The following PSD3 variants were observed in gnomAD, a reference collection of about 807,000 sequenced individuals.
The protein encoded by PSD3 is PH and SEC7 domain-containing protein 3.
PSD3 carries 49 observed loss-of-function variants against 105.5 expected under a neutral mutation model. The observed-to-expected ratio is 0.46, with a 90% CI of 0.37 to 0.59. The LOEUF is 0.59. PSD3 is among the 20% of genes least tolerant of loss of function. The pLI is 0.00. For missense variants in PSD3, 1,561 were observed against 1,263.8 expected (o/e 1.24, Z -3.57); for synonymous variants, 557 against 457.8 (o/e 1.22, Z -2.77).
intron 4 of PSD3, among the ~76,000 whole-genome samples, chr8:18,845,469 C>CGGCATTCGG (rs898574107): frequency 6.6e-6 from 1 of 152,176 alleles, no homozygotes; most frequent in Non-Finnish European, 1.5e-5. Context: ...GTGCATAGCA[C>CGGCATTCGG]GGCATTCGGA....
At chr8:18,822,973 T>G (rs1812867677) in intron 4 of PSD3, among the ~76,000 whole-genome samples, 1 of 152,104 alleles carries the variant, frequency 6.6e-6, no homozygotes, top group Admixed American at 6.5e-5. Context: ...GGCAAGCCGA[T>G]CCAATCAATC....
chr8:18,850,725 AC>A (rs1398318041), intron 4 of PSD3, among the ~76,000 whole-genome samples: 3 of 152,026 alleles, frequency 2.0e-5, no homozygotes, highest in Admixed American at 2.0e-4. Flanking sequence ...TTGTAGCTCA[AC>A]CCCCTCTGCA....
intron 12 of PSD3, among the ~76,000 whole-genome samples, chr8:18,576,854 G>A (rs1191807885): frequency 6.6e-6 from 1 of 150,446 alleles, no homozygotes; most frequent in Non-Finnish European, 1.5e-5. Flanking sequence ...TAATGATTGA[G>A]TTTGCACAAA....
At chr8:18,832,289 T>C (rs987562320) in intron 4 of PSD3, among the ~76,000 whole-genome samples, 2 of 152,114 alleles carry the variant, frequency 1.3e-5, no homozygotes, top group African/African-American at 4.8e-5. Flanking sequence ...CGTCCAAGGA[T>C]GCACAGAGGT....
intron 10 of PSD3, among the ~76,000 whole-genome samples, chr8:18,650,738 T>G (rs1808410593): frequency 6.6e-6 from 1 of 152,196 alleles, no homozygotes; most frequent in Admixed American, 6.5e-5. Flanking sequence ...GCTACTAACT[T>G]AAGGAAAAAC....
intron 1 of PSD3, among the ~76,000 whole-genome samples, chr8:19,061,531 G>A (rs938510291): frequency 6.6e-6 from 1 of 151,992 alleles, no homozygotes; most frequent in Non-Finnish European, 1.5e-5. Context: ...TTCCCGGCCA[G>A]GTGCGGAGGC....
chr8:18,999,265 G>A (rs140974263), intron 1 of PSD3, among the ~76,000 whole-genome samples: 61 of 151,944 alleles, frequency 4.0e-4, no homozygotes, highest in African/African-American at 1.4e-3. Flanking sequence ...ACCAACTCCA[G>A]GATGTCTCAC....
chr8:18,586,688 T>G (rs1357265944), intron 12 of PSD3, among the ~76,000 whole-genome samples: 1 of 152,122 alleles, frequency 6.6e-6, no homozygotes, highest in African/African-American at 2.4e-5. Context: ...CCAATTTGAT[T>G]CATTTAATCA....
intron 1 of PSD3, among the ~76,000 whole-genome samples, chr8:19,035,691 C>T (rs975424610): frequency 6.7e-5 from 10 of 150,334 alleles, no homozygotes; most frequent in Non-Finnish European, 1.3e-4. Context: ...TACACTCAGG[C>T]AGAAGAGAAT....
chr8:18,880,307 C>G (rs1212774951), intron 2 of PSD3, among the ~76,000 whole-genome samples: 1 of 152,272 alleles, frequency 6.6e-6, no homozygotes, highest in Middle Eastern at 3.4e-3. Context: ...AAAATTCATT[C>G]ACGCATTCAG....
chr8:18,904,698 G>A (rs775698845), intron 2 of PSD3, among the ~76,000 whole-genome samples: 4 of 152,186 alleles, frequency 2.6e-5, no homozygotes, highest in Non-Finnish European at 5.9e-5. Flanking sequence ...CTCAAGGTCA[G>A]CAAATTTTTT....
At chr8:18,630,952 G>C (rs1316995103) in intron 11 of PSD3, among the ~76,000 whole-genome samples, 1 of 151,980 alleles carries the variant, frequency 6.6e-6, no homozygotes, top group Non-Finnish European at 1.5e-5. Flanking sequence ...TTATATCAGG[G>C]ACTTGAGTGT....
intron 1 of PSD3, among the ~76,000 whole-genome samples, chr8:19,028,278 A>ACCCCCCCCCC (rs80142544): frequency 1.1e-5 from 1 of 94,016 alleles, no homozygotes; most frequent in Non-Finnish European, 2.0e-5. Context: ...CTCTCACACC[A>ACCCCCCCCCC]CCCCCCCCCC....
At chr8:18,851,808 C>T (rs1454365705) in intron 4 of PSD3, among the ~76,000 whole-genome samples, 3 of 152,226 alleles carry the variant, frequency 2.0e-5, no homozygotes, top group Admixed American at 1.3e-4. Flanking sequence ...ACAGATTCTG[C>T]CTTGTGAGGA....
At chr8:18,751,247 T>C (rs964238615) in intron 9 of PSD3, among the ~76,000 whole-genome samples, 5 of 152,204 alleles carry the variant, frequency 3.3e-5, no homozygotes, top group Admixed American at 1.3e-4. Flanking sequence ...CCGGCACTGC[T>C]GGGGGACCCA....
chr8:18,905,075 G>C (rs1819752925), intron 2 of PSD3, among the ~76,000 whole-genome samples: 1 of 152,134 alleles, frequency 6.6e-6, no homozygotes, highest in Admixed American at 6.5e-5. Flanking sequence ...TTAAAAAACT[G>C]AGGCGAGAGT....
chr8:18,593,954 T>C (rs1803807610), intron 12 of PSD3, among the ~76,000 whole-genome samples: 1 of 95,728 alleles, frequency 1.0e-5, no homozygotes. Flanking sequence ...AAGGGGAACA[T>C]CACACACCGG....
At chr8:18,610,650 C>T (rs1793673669) in intron 11 of PSD3, among the ~76,000 whole-genome samples, 1 of 152,110 alleles carries the variant, frequency 6.6e-6, no homozygotes, top group Non-Finnish European at 1.5e-5. Context: ...AAAATTATTT[C>T]CTTTTCTTAT....
intron 11 of PSD3, among the ~76,000 whole-genome samples, chr8:18,623,634 A>C (rs1160914635): frequency 3.4e-5 from 5 of 145,202 alleles, no homozygotes; most frequent in Non-Finnish European, 7.5e-5. Context: ...ACTGAGCGAG[A>C]CTCCATCTCA....
Sources: allele counts gnomAD v4.1 joint callset (sites outside exome capture counted in the v4.1 genomes callset), GRCh38; gene constraint gnomAD v4.1.1; transcripts MANE v1.5; gene names NCBI Gene and HGNC (gene_info 2026-07-23, HGNC 2026-07-21).